MIPOL1: variants seen among roughly 807,000 people sequenced by gnomAD.
MIPOL1 encodes mirror-image polydactyly 1.
MIPOL1 carries 57 observed loss-of-function variants against 60.9 expected under a neutral mutation model. That is an observed-to-expected ratio of 0.94 (90% confidence interval 0.76 to 1.17). The LOEUF (loss-of-function observed/expected upper bound fraction) is 1.17, where lower values mean the gene tolerates loss of function less well. Ranked by LOEUF, MIPOL1 falls within the 50% of genes most tolerant of loss-of-function variation. The pLI, the probability that MIPOL1 is intolerant of heterozygous loss-of-function variation, is 0.00. For missense variants in MIPOL1, 551 were observed against 511.6 expected (o/e 1.08, Z -0.74); for synonymous variants, 179 against 168.8 (o/e 1.06, Z -0.47).
chr14:37,535,803 T>C (rs1455224870), intron 12 of MIPOL1, among the ~76,000 whole-genome samples: 1 of 152,220 alleles, frequency 6.6e-6, no homozygotes, highest in Non-Finnish European at 1.5e-5. Context: ...TAATTACATA[T>C]CTTAGGAGCT....
chr14:37,318,419 T>A (rs1197001363), intron 9 of MIPOL1, among the ~76,000 whole-genome samples: 1 of 152,222 alleles, frequency 6.6e-6, no homozygotes, highest in Admixed American at 6.5e-5. Flanking sequence ...TATTTGATAT[T>A]CTTAATTACA....
At chr14:37,442,236 T>C (rs2094260366) in intron 11 of MIPOL1, among the ~76,000 whole-genome samples, 2 of 152,104 alleles carry the variant, frequency 1.3e-5, no homozygotes, top group African/African-American at 2.4e-5. Context: ...CCTGACACTT[T>C]AGCGAAGTTG....
At chr14:37,220,939 C>T (rs1968642916) in intron 1 of MIPOL1, among the ~76,000 whole-genome samples, 1 of 152,086 alleles carries the variant, frequency 6.6e-6, no homozygotes, top group Middle Eastern at 3.2e-3. Context: ...CCACGCCCAG[C>T]TAATTGTTTT....
intron 7 of MIPOL1, among the ~76,000 whole-genome samples, chr14:37,298,321 C>A (rs1307778550): frequency 4.0e-5 from 6 of 151,726 alleles, no homozygotes; most frequent in Admixed American, 2.6e-4. Context: ...TAAAGACTTA[C>A]ATGTTAGACC....
chr14:37,497,784 G>T (rs905912498), intron 11 of MIPOL1, among the ~76,000 whole-genome samples: 1 of 152,140 alleles, frequency 6.6e-6, no homozygotes, highest in Non-Finnish European at 1.5e-5. Context: ...CCATTCTGAG[G>T]GAGGATATAA....
rs189313152 is a variant in MIPOL1, at chr14:37,213,398, T to A, written c.-199+15294T>A. Among the ~76,000 whole-genome samples the A allele has an allele frequency of 2.0e-3, 306 of 152,292 alleles. 1 individual carries two copies. The highest frequency in any genetic ancestry group is 7.2e-3 in the African/African-American group (301 of 41,560). ...ATAATTAAGGAGAGTCAAGCAGAAA[T>A]TCTAGAGCTGAAAATGCAATTGACA... On this transcript the variant is annotated intron_variant, in intron 1 of 12. Transcript: ENST00000684589.
At chr14:37,510,522 A>T (rs892772978) in intron 12 of MIPOL1, among the ~76,000 whole-genome samples, 1 of 152,012 alleles carries the variant, frequency 6.6e-6, no homozygotes, top group African/African-American at 2.4e-5. Context: ...CAGGTGTGAG[A>T]CACTGCACCA....
chr14:37,356,642 A>G (rs1344682489), intron 9 of MIPOL1, among the ~76,000 whole-genome samples: 4 of 152,148 alleles, frequency 2.6e-5, no homozygotes, highest in Non-Finnish European at 4.4e-5. Flanking sequence ...AGAAAAGCGC[A>G]GTATTCGGGT....
chr14:37,473,609 C>A (rs75199677), intron 11 of MIPOL1, among the ~76,000 whole-genome samples: 1 of 152,088 alleles, frequency 6.6e-6, no homozygotes, highest in African/African-American at 2.4e-5. Flanking sequence ...TTTAGACTCA[C>A]GGCACAATTA....
intron 1 of MIPOL1, among the ~76,000 whole-genome samples, chr14:37,210,579 T>G (rs1008593434): frequency 7.9e-5 from 12 of 152,102 alleles, no homozygotes; most frequent in Non-Finnish European, 1.6e-4. Flanking sequence ...CCTCGAAGGC[T>G]TGAAGATTAG....
intron 9 of MIPOL1, among the ~76,000 whole-genome samples, chr14:37,314,511 G>T (rs1018350261): frequency 7.9e-5 from 12 of 152,148 alleles, no homozygotes; most frequent in Non-Finnish European, 1.3e-4. Context: ...CTGCCTTTAA[G>T]CCTGTTTTTC....
intron 12 of MIPOL1, among the ~76,000 whole-genome samples, chr14:37,530,081 G>C (rs1435378472): frequency 2.0e-5 from 3 of 152,168 alleles, no homozygotes; most frequent in Non-Finnish European, 4.4e-5. Flanking sequence ...AGTATTTTAA[G>C]ATAGACAAAC....
intron 7 of MIPOL1, among the ~76,000 whole-genome samples, chr14:37,299,261 G>A (rs931601276): frequency 1.3e-5 from 2 of 149,286 alleles, no homozygotes; most frequent in Non-Finnish European, 3.0e-5. Context: ...AACACAGGAA[G>A]GGGAACATCA....
At chr14:37,358,712 C>T (rs2092019907) in intron 9 of MIPOL1, among the ~76,000 whole-genome samples, 1 of 152,040 alleles carries the variant, frequency 6.6e-6, no homozygotes, top group South Asian at 2.1e-4. Flanking sequence ...TGTTAAATTT[C>T]TTTGTAGATT....
intron 12 of MIPOL1, among the ~76,000 whole-genome samples, chr14:37,530,983 A>T (rs1006373833): frequency 9.9e-5 from 15 of 151,718 alleles, no homozygotes; most frequent in Admixed American, 6.6e-5. Context: ...ACGCCTGGCT[A>T]ATTTTTGTAT....
chr14:37,512,293 A>AACT lies in MIPOL1; in HGVS notation c.1262+12155_1262+12156insACT, dbSNP rs34738846. ...CCTGGTTTTCCTGCTGACGAGTAAG[A>AACT]GTCTGTAGTTCTCTTCGAAGTGTCA... On this transcript the variant is annotated intron_variant, in intron 12 of 12. Transcript: ENST00000684589. 4.0e-5 allele frequency among the ~76,000 whole-genome samples: 6 copies of AACT among 151,716 alleles called. No homozygotes were observed. In the South Asian group the frequency reaches 1.0e-3, roughly 26 times the overall value.
intron 6 of MIPOL1, among the ~76,000 whole-genome samples, chr14:37,281,519 C>G (rs894119703): frequency 6.6e-6 from 1 of 152,210 alleles, no homozygotes; most frequent in Non-Finnish European, 1.5e-5. Flanking sequence ...ATTTTCCTGC[C>G]TCAGCCTCCT....
At chr14:37,343,817 A>G (rs975993654) in intron 9 of MIPOL1, among the ~76,000 whole-genome samples, 16 of 152,144 alleles carry the variant, frequency 1.1e-4, no homozygotes, top group African/African-American at 3.9e-4. Context: ...TTTTCTAAAA[A>G]TTTGTCATGG....
intron 11 of MIPOL1, among the ~76,000 whole-genome samples, chr14:37,430,907 C>T (rs1269496903): frequency 1.3e-5 from 2 of 152,152 alleles, no homozygotes; most frequent in East Asian, 1.9e-4. Flanking sequence ...CAATTTTCTG[C>T]GCCTTATTCA....
Sources: gnomAD v4.1 joint callset for allele counts (sites outside exome capture counted in the v4.1 genomes callset) on GRCh38, gnomAD v4.1.1 for gene constraint, MANE v1.5 for transcripts, NCBI Gene and HGNC (gene_info 2026-07-23, HGNC 2026-07-21) for gene names.